Variants in RABGEF1 observed in about 807,000 individuals in gnomAD.
RABGEF1 encodes RAB guanine nucleotide exchange factor 1, also known as rab5 GDP/GTP exchange factor.
Under a neutral mutation model 57.3 loss-of-function variants are expected in RABGEF1, and 26 were observed. The observed-to-expected ratio is 0.45, with a 90% CI of 0.33 to 0.63. RABGEF1 has a LOEUF of 0.63. Ranked by LOEUF, RABGEF1 falls within the 20% of genes least tolerant of loss-of-function variation. RABGEF1 has a pLI of 0.02. For synonymous variants in RABGEF1, 185 were observed against 210.7 expected, an observed-to-expected ratio of 0.88 and a Z score of 1.06; for missense variants, 464 against 607.6, an observed-to-expected ratio of 0.76 and a Z score of 2.48.
rs751648730 is a variant in RABGEF1, at chr7:66,810,954, G to C, written c.*1670G>C. 6.6e-6 allele frequency: 1 copy of C among 152,232 alleles called. No homozygotes were observed. Among genetic ancestry groups the C allele is most frequent in the Admixed American group, 6.5e-5 (1 of 15,278 alleles). 9.4% of individuals were successfully genotyped at this position (152,232 alleles called of 1,614,324 possible). A position where few individuals can be genotyped will look rare whatever the true frequency, so the allele number is the denominator to read the frequency against. ...CAGGAAGCAGTTCACTGAGTCAGCT[G>C]GTTCCCAAGCTCGCACAGAAGGTGA... On this transcript the variant is annotated 3_prime_UTR_variant, in exon 9 of 9. Coordinates refer to ENST00000284957, the MANE Select transcript of RABGEF1 (RefSeq NM_014504.3).
chr7:66,675,392 C>A, the RABGEF1 span, among the ~76,000 whole-genome samples: 2 of 151,720 alleles, frequency 1.3e-5, no homozygotes, highest in Admixed American at 6.6e-5. Context: ...ATCACACCAT[C>A]GCACTCCAGC....
At chr7:66,661,071 A>G in the RABGEF1 span, among the ~76,000 whole-genome samples, 1 of 152,146 alleles carries the variant, frequency 6.6e-6, no homozygotes, top group South Asian at 2.1e-4. Context: ...GCACTTTGGG[A>G]GGCCAAGGCG....
At chr7:66,773,955 T>C (rs1167505981) in intron 2 of RABGEF1, 4 of 384,184 alleles carry the variant, frequency 1.0e-5, no homozygotes, top group African/African-American at 8.4e-5. Context: ...CGTGAGCCAC[T>C]GCACCTGGCC....
At chr7:66,737,353 A>G (rs377564134), upstream of RABGEF1, among the ~76,000 whole-genome samples, 2 of 151,908 alleles carry the variant, frequency 1.3e-5, no homozygotes, top group East Asian at 3.9e-4. Context: ...CTCCTGGCTC[A>G]AGTAGTCTTC....
intron 2 of RABGEF1, among the ~76,000 whole-genome samples, chr7:66,727,304 G>C (rs1194075141): frequency 1.3e-5 from 2 of 152,208 alleles, no homozygotes; most frequent in African/African-American, 4.8e-5. Context: ...CCGTGGGACA[G>C]GGTGAGTCAG....
intron 1 of RABGEF1, among the ~76,000 whole-genome samples, chr7:66,766,929 T>C (rs1444584294): frequency 6.6e-6 from 1 of 151,478 alleles, no homozygotes; most frequent in African/African-American, 2.4e-5. Flanking sequence ...TGTAGTTGTC[T>C]CTTGGTCAGT....
At chr7:66,688,925 G>C (rs1274377455) in intron 1 of RABGEF1, among the ~76,000 whole-genome samples, 3 of 151,994 alleles carry the variant, frequency 2.0e-5, no homozygotes, top group African/African-American at 4.8e-5. Flanking sequence ...AAAGCCCATT[G>C]CTACTAAAAA....
chr7:66,755,090 T>C (rs960579299), intron 1 of RABGEF1, among the ~76,000 whole-genome samples: 1 of 152,130 alleles, frequency 6.6e-6, no homozygotes, highest in Admixed American at 6.5e-5. Context: ...GTCAGGATAT[T>C]GAGACCATCC....
intron 1 of RABGEF1, among the ~76,000 whole-genome samples, chr7:66,754,929 T>C (rs1293986355): frequency 6.6e-6 from 1 of 151,996 alleles, no homozygotes; most frequent in East Asian, 1.9e-4. Flanking sequence ...ATCCCAGCAC[T>C]TTGGGTGGCA....
chr7:66,776,520 C>T (rs1426009842), intron 3 of RABGEF1, among the ~76,000 whole-genome samples: 1 of 152,038 alleles, frequency 6.6e-6, no homozygotes, highest in African/African-American at 2.4e-5. Flanking sequence ...TGGTGAAACC[C>T]CGCCTCTACA....
At chr7:66,766,475 T>C (rs1805744618) in intron 1 of RABGEF1, among the ~76,000 whole-genome samples, 1 of 152,174 alleles carries the variant, frequency 6.6e-6, no homozygotes, top group South Asian at 2.1e-4. Context: ...TTTTTTCTAC[T>C]TGTTATTTTC....
chr7:66,755,856 A>T, intron 1 of RABGEF1: 1 of 485,138 alleles, frequency 2.1e-6, no homozygotes, highest in Non-Finnish European at 3.7e-6. Context: ...TCAACTCTAC[A>T]TTGTATTCCA....
chr7:66,733,652 C>T (rs1002218795), intron 2 of RABGEF1, among the ~76,000 whole-genome samples: 2 of 151,440 alleles, frequency 1.3e-5, no homozygotes, highest in Non-Finnish European at 2.9e-5. Context: ...GAGCCAAGAT[C>T]GTGCCACTGC....
intron 1 of RABGEF1, among the ~76,000 whole-genome samples, chr7:66,683,447 C>T (rs1286233797): frequency 1.3e-5 from 2 of 152,184 alleles, no homozygotes; most frequent in African/African-American, 4.8e-5. Context: ...TATTTAATGA[C>T]CTTTCCAATC....
At chr7:66,701,211 CAG>C (rs1416404174) in intron 1 of RABGEF1, among the ~76,000 whole-genome samples, 1 of 152,190 alleles carries the variant, frequency 6.6e-6, no homozygotes, top group Non-Finnish European at 1.5e-5. Context: ...CGAGAAGTAA[CAG>C]GGAGGCTGGG....
In RABGEF1 at chr7:66,742,757, C is replaced by T. The variant is rs371622212; in HGVS notation, c.-18+1965C>T. Among the ~76,000 whole-genome samples, 8 of 152,144 alleles carry T rather than the reference C, an allele frequency of 5.3e-5. No individual in the cohort carries two copies. The East Asian group carries it at 5.8e-4, about 11-fold the overall frequency. ...GAGTAGCTAAGACTGCAGATGCGTG[C>T]CACCACACCCAGCTGATTTTTAAAT... is the stretch of plus-strand genomic sequence containing the variant. On this transcript the variant is annotated intron_variant, in intron 1 of 8. Transcript: ENST00000284957.
intron 2 of RABGEF1, among the ~76,000 whole-genome samples, chr7:66,728,239 T>C (rs1176665981): frequency 6.6e-6 from 1 of 152,162 alleles, no homozygotes; most frequent in Non-Finnish European, 1.5e-5. Flanking sequence ...CTGCCTGGGT[T>C]CTGCCTGGTT....
At chr7:66,789,367 A>G (rs1224629542) in intron 4 of RABGEF1, among the ~76,000 whole-genome samples, 3 of 152,284 alleles carry the variant, frequency 2.0e-5, no homozygotes, top group East Asian at 1.9e-4. Context: ...TCTATAAGTC[A>G]TAAGGAAAAA....
At chr7:66,713,773 C>A (rs1309194896) in intron 2 of RABGEF1, among the ~76,000 whole-genome samples, 1 of 152,064 alleles carries the variant, frequency 6.6e-6, no homozygotes, top group Non-Finnish European at 1.5e-5. Flanking sequence ...TACATTGATA[C>A]GTTGATATGA....
Sources: allele counts gnomAD v4.1 joint callset (sites outside exome capture counted in the v4.1 genomes callset), GRCh38; gene constraint gnomAD v4.1.1; transcripts MANE v1.5; gene names NCBI Gene and HGNC (gene_info 2026-07-23, HGNC 2026-07-21).